Variants in TRIM33 observed in about 807,000 individuals in gnomAD.
TRIM33 encodes the protein tripartite motif containing 33, also known as E3 ubiquitin-protein ligase TRIM33.
TRIM33 carries 20 observed loss-of-function variants against 125.4 expected under a neutral mutation model. The ratio of observed to expected loss-of-function variants is 0.16; its 90% confidence interval spans 0.11 to 0.23. The LOEUF (loss-of-function observed/expected upper bound fraction) is 0.23. Ranked by LOEUF, TRIM33 falls within the 10% of genes least tolerant of loss-of-function variation. The probability of loss-of-function intolerance (pLI) is 1.00; values close to 1 mark genes in which losing one functional copy is unlikely to be tolerated. For missense variants in TRIM33, 920 were observed against 1,411.4 expected, an observed-to-expected ratio of 0.65 and a Z score of 5.58; for synonymous variants, 564 against 513.9, an observed-to-expected ratio of 1.10 and a Z score of -1.32.
chr1:114,404,057 C>T (rs777672007), intron 15 of TRIM33, among the ~76,000 whole-genome samples: 3 of 152,214 alleles, frequency 2.0e-5, no homozygotes, highest in African/African-American at 7.2e-5. Context: ...CTCCCTCTCT[C>T]TATATAAACA....
At chr1:114,403,665 G>A (rs550283888) in intron 15 of TRIM33, among the ~76,000 whole-genome samples, 2 of 152,196 alleles carry the variant, frequency 1.3e-5, no homozygotes, top group African/African-American at 4.8e-5. Flanking sequence ...AGCCTCCTAC[G>A]TAGCTGGGAT....
At chr1:114,496,925 A>G (rs1032467332) in intron 1 of TRIM33, among the ~76,000 whole-genome samples, 3 of 152,238 alleles carry the variant, frequency 2.0e-5, no homozygotes, top group Non-Finnish European at 2.9e-5. Context: ...TTGTCAACAA[A>G]ACACTGTACT....
chr1:114,469,960 G>C (rs1650539197), intron 1 of TRIM33, among the ~76,000 whole-genome samples: 1 of 152,170 alleles, frequency 6.6e-6, no homozygotes, highest in Non-Finnish European at 1.5e-5. Flanking sequence ...CATATATTTA[G>C]ATAATGTCAG....
intron 1 of TRIM33, among the ~76,000 whole-genome samples, chr1:114,467,396 T>C (rs750766230): frequency 6.6e-6 from 1 of 152,198 alleles, no homozygotes. Context: ...TTTGGATAGA[T>C]GGTGTTTAAC....
At chr1:114,464,109 CTAAGT>C (rs1013636344) in intron 2 of TRIM33, among the ~76,000 whole-genome samples, 156 bp downstream of exon 2, 14 of 152,128 alleles carry the variant, frequency 9.2e-5, no homozygotes, top group African/African-American at 2.9e-4. Flanking sequence ...TCTCATTTAA[CTAAGT>C]TTGAGAGTAT....
At chr1:114,464,229 G>T in intron 2 of TRIM33, 41 bp downstream of exon 2, 2 of 1,051,012 alleles carry the variant, frequency 1.9e-6, no homozygotes, top group South Asian at 1.5e-5. Context: ...CTTACAGTTT[G>T]ATATCAAGAT....
At position 114,510,645 on chromosome 1, in the gene TRIM33, G is replaced by T; in HGVS notation, c.432C>A (p.Pro144=). The T allele has an allele frequency of 6.4e-7, 1 of 1,564,834 alleles. No individual in the cohort carries two copies. The highest frequency in any genetic ancestry group is 2.3e-5 in the East Asian group (1 of 42,626). ...SRREAEPKLL[P]CLHSFCLRCL... Reference sequence around the variant, plus strand: ...AGCGCAGGCAGAAGGAGTGAAGACAGGGCAGCAGCTTGGGCTCCGCCTCAC... The same window carrying T: ...AGCGCAGGCAGAAGGAGTGAAGACATGGCAGCAGCTTGGGCTCCGCCTCAC... Residue 144 remains proline, a synonymous_variant, in exon 1 of 20, where the codon CCC becomes CCA. Transcript: ENST00000358465.
intron 11 of TRIM33, among the ~76,000 whole-genome samples, chr1:114,415,465 C>G (rs1018042894): frequency 5.1e-4 from 77 of 152,186 alleles, no homozygotes; most frequent in African/African-American, 1.9e-3. Flanking sequence ...TCTGGAATAT[C>G]TGCCTTCTAA....
chr1:114,393,673 T>C lies in TRIM33; in HGVS notation c.*3975A>G, dbSNP rs186586596. On this transcript the variant is annotated 3_prime_UTR_variant, in exon 20 of 20. Coordinates refer to ENST00000358465, the MANE Select transcript of TRIM33 (RefSeq NM_015906.4). ...CATTTTGACCAAGTAAAAGAAACCA[T>C]TATATTCAAGAGTACGTGTTGAATC... 1 of 215,058 alleles carries C rather than the reference T, an allele frequency of 4.6e-6. No individual in the cohort carries two copies. The highest frequency in any genetic ancestry group is 9.4e-6 in the Non-Finnish European group (1 of 106,256). 13.3% of individuals were successfully genotyped at this position (215,058 alleles called of 1,614,324 possible).
At chr1:114,430,964 A>G in intron 5 of TRIM33, 52 bp from the exon 6 acceptor site, 1 of 1,007,694 alleles carries the variant, frequency 9.9e-7, no homozygotes, top group South Asian at 1.3e-5. Context: ...AGGTCTCTGA[A>G]TCATCAACTG....
chr1:114,443,737 A>G (rs1000112604), intron 4 of TRIM33, among the ~76,000 whole-genome samples: 2 of 152,134 alleles, frequency 1.3e-5, no homozygotes, highest in African/African-American at 4.8e-5. Flanking sequence ...TAGGGTATAA[A>G]AAATATTAAG....
chr1:114,403,456 C>T (rs183711298), intron 15 of TRIM33, among the ~76,000 whole-genome samples: 7 of 152,138 alleles, frequency 4.6e-5, no homozygotes, highest in Admixed American at 2.0e-4. Flanking sequence ...CTGCAACCTC[C>T]GCCTCTCGGG....
At chr1:114,468,516 G>A in intron 1 of TRIM33, 1 of 395,674 alleles carries the variant, frequency 2.5e-6, no homozygotes, top group Non-Finnish European at 4.9e-6. Context: ...AGGTGCTTCT[G>A]ATGATCTAGA....
chr1:114,404,123 A>G (rs1431869079), intron 15 of TRIM33, among the ~76,000 whole-genome samples: 1 of 152,182 alleles, frequency 6.6e-6, no homozygotes, highest in Non-Finnish European at 1.5e-5. Context: ...TAGGGATTGT[A>G]CTAACCAATC....
intron 1 of TRIM33, among the ~76,000 whole-genome samples, chr1:114,491,236 A>G (rs973420413): frequency 1.3e-5 from 2 of 152,226 alleles, no homozygotes; most frequent in African/African-American, 4.8e-5. Context: ...AAATCAAAGG[A>G]AACTATGTAC....
At chr1:114,413,873 A>C (rs1652756506) in intron 11 of TRIM33, among the ~76,000 whole-genome samples, 1 of 152,176 alleles carries the variant, frequency 6.6e-6, no homozygotes, top group African/African-American at 2.4e-5. Flanking sequence ...AGAAAAATTT[A>C]AAAATTAGCC....
chr1:114,459,600 C>G (rs571782092), intron 4 of TRIM33, among the ~76,000 whole-genome samples: 2 of 152,100 alleles, frequency 1.3e-5, no homozygotes, highest in African/African-American at 4.8e-5. Flanking sequence ...CAAGATCTAA[C>G]CTCTTTTAAA....
At chr1:114,444,401 C>T (rs1648849648) in intron 4 of TRIM33, among the ~76,000 whole-genome samples, 1 of 152,160 alleles carries the variant, frequency 6.6e-6, no homozygotes, top group Admixed American at 6.5e-5. Flanking sequence ...TCTAGAAGAA[C>T]TCAGCTTGAA....
chr1:114,401,478 G>A lies in TRIM33; in HGVS notation c.2893-15C>T. 6.2e-7 allele frequency: 1 copy of A among 1,604,614 alleles called. No individual in the cohort carries two copies. The highest frequency in any genetic ancestry group is 8.5e-7 in the Non-Finnish European group (1 of 1,173,406). Reference sequence around the variant, plus strand: ...CGTTCACATTTCTGGCCCAAACAAGGAAAGGAAAGCACATGAAATATTTTT... The same window carrying A: ...CGTTCACATTTCTGGCCCAAACAAGAAAAGGAAAGCACATGAAATATTTTT... On this transcript the variant is annotated splice_polypyrimidine_tract_variant and intron_variant, in intron 16 of 19. Transcript: ENST00000358465.
Sources: gnomAD v4.1 joint callset for allele counts (sites outside exome capture counted in the v4.1 genomes callset) on GRCh38, gnomAD v4.1.1 for gene constraint, MANE v1.5 for transcripts, NCBI Gene and HGNC (gene_info 2026-07-23, HGNC 2026-07-21) for gene names.